The following ZNF185 variants were observed in gnomAD, a reference collection of about 807,000 sequenced individuals.
ZNF185 encodes zinc finger protein 185.
In ZNF185, 56 loss-of-function variants were observed where a neutral mutation model predicts 58.6. The observed-to-expected ratio is 0.95, with a 90% CI of 0.77 to 1.19. ZNF185 has a LOEUF of 1.19. Ranked by LOEUF, ZNF185 falls within the 50% of genes most tolerant of loss-of-function variation. The pLI is 0.00. For synonymous variants in ZNF185, 230 were observed against 215.9 expected (o/e 1.07, Z -0.57); for missense variants, 627 against 573.5 (o/e 1.09, Z -0.95).
At chrX:152,898,326 G>A in the ZNF185 span, among the ~76,000 whole-genome samples, 607 of 112,579 alleles carry the variant, frequency 5.4e-3, 3 homozygotes, top group African/African-American at 0.018. Flanking sequence ...ACAAGTCAGG[G>A]CCTCAGTTTC....
At chrX:152,973,293 G>C (rs1556921324) in exon 23 of ZNF185, 1 of 112,125 alleles carries the variant, frequency 8.9e-6, no homozygotes, top group Non-Finnish European at 1.9e-5. Flanking sequence ...AAGAAATCTT[G>C]CAAGAGCCAT....
At chrX:152,918,106 G>C (rs782452645) in exon 6 of ZNF185, 3 of 1,195,768 alleles carry the variant, frequency 2.5e-6, no homozygotes, top group African/African-American at 3.5e-5. Flanking sequence ...GGTCCTCCCC[G>C]CCCCTCCTCC....
intron 19 of ZNF185, among the ~76,000 whole-genome samples, chrX:152,966,223 T>C (rs1362797416): frequency 4.5e-5 from 5 of 110,529 alleles, no homozygotes; most frequent in Non-Finnish European, 1.9e-5. Flanking sequence ...GCCAGGCTGG[T>C]CTCGAATTCC....
chrX:152,953,964 C>T (rs1229053207), intron 16 of ZNF185, among the ~76,000 whole-genome samples: 1 of 111,244 alleles, frequency 9.0e-6, no homozygotes, highest in Non-Finnish European at 1.9e-5. Flanking sequence ...TGGTCTTGAA[C>T]TCCTGACCCC....
chrX:152,953,037 G>A (rs1556901428), intron 16 of ZNF185, among the ~76,000 whole-genome samples: 1 of 110,270 alleles, frequency 9.1e-6, no homozygotes, highest in Non-Finnish European at 1.9e-5. Flanking sequence ...GCACACAGTC[G>A]TCATCTGGGA....
intron 16 of ZNF185, among the ~76,000 whole-genome samples, chrX:152,947,674 A>C (rs1414203749): frequency 8.9e-6 from 1 of 112,571 alleles, no homozygotes; most frequent in Non-Finnish European, 1.9e-5. Flanking sequence ...GGGAGTTGTC[A>C]GCTCATAGGA....
chrX:152,922,151 C>CTCAAAGGG (rs1939860676), intron 9 of ZNF185, 22 bp from the exon 11 acceptor site: 2 of 1,183,923 alleles, frequency 1.7e-6, no homozygotes, highest in East Asian at 6.2e-5. Context: ...ACCACGAGCG[C>CTCAAAGGG]TGTTTCTCTT....
Position 152,953,426 on chromosome X carries a change from A to G in ZNF185, c.1410-6273A>G, listed in dbSNP as rs371287339. Among the ~76,000 whole-genome samples, 19 of 112,245 alleles carry G rather than the reference A, an allele frequency of 1.7e-4. 4 individuals are homozygous for G. The highest frequency in any genetic ancestry group is 1.9e-4 in the Admixed American group (2 of 10,604). ...AAATACCGTCTCTGGGCAGGGTGCA[A>G]TGGCTCACACCTGTAATCCCAGCAC... On this transcript the variant is annotated intron_variant, in intron 16 of 22. Transcript: ENST00000449285.
intron 18 of ZNF185, among the ~76,000 whole-genome samples, chrX:152,964,681 A>G (rs2097254): frequency 0.32 from 35,693 of 110,275 alleles, 4,246 homozygotes; most frequent in African/African-American, 0.41. Flanking sequence ...TCACATGCCC[A>G]CTGCTTCACC....
intron 16 of ZNF185, among the ~76,000 whole-genome samples, chrX:152,955,418 C>T (rs2048722719): frequency 8.9e-6 from 1 of 112,358 alleles, no homozygotes; most frequent in African/African-American, 3.2e-5. Context: ...GAAGGTACCT[C>T]TTTATGCTAG....
rs373247328 is a variant in ZNF185 at position 152,959,901 on chromosome X, G to A, written c.1607+5G>A. ...ACGAGAGAGCTGCACCAGCAGGTAC[G>A]AGCCAAACTGCACTGGGACCTTACC... On this transcript the variant is annotated splice_donor_5th_base_variant and intron_variant, in intron 17 of 22. Transcript: ENST00000449285. The A allele has an allele frequency of 1.3e-5, 16 of 1,204,316 alleles. No individual in the cohort carries two copies. Among genetic ancestry groups the A allele is most frequent in the Non-Finnish European group, 1.8e-5 (16 of 891,864 alleles).
intron 16 of ZNF185, among the ~76,000 whole-genome samples, chrX:152,947,751 G>A (rs1240601954): frequency 8.9e-6 from 1 of 112,380 alleles, no homozygotes; most frequent in Non-Finnish European, 1.9e-5. Flanking sequence ...TACAAAGCAT[G>A]TATTCTCGGC....
intron 11 of ZNF185, among the ~76,000 whole-genome samples, chrX:152,925,510 C>A (rs782383982): frequency 3.6e-5 from 4 of 112,207 alleles, no homozygotes; most frequent in Non-Finnish European, 5.6e-5. Flanking sequence ...CCGGGGCAAG[C>A]TCCCAACAGG....
intron 17 of ZNF185, among the ~76,000 whole-genome samples, chrX:152,963,120 A>G (rs1012181514): frequency 3.0e-4 from 34 of 113,071 alleles, no homozygotes; most frequent in African/African-American, 9.6e-4. Context: ...GTGCTGCCCA[A>G]CATCGTGCCC....
chrX:152,955,469 T>C (rs1418258530), intron 16 of ZNF185, among the ~76,000 whole-genome samples: 2 of 112,664 alleles, frequency 1.8e-5, no homozygotes, highest in Non-Finnish European at 3.8e-5. Flanking sequence ...CTGGTCTGTT[T>C]TAATAACTAT....
intron 16 of ZNF185, among the ~76,000 whole-genome samples, chrX:152,955,367 G>A (rs1338836417): frequency 8.9e-6 from 1 of 112,399 alleles, no homozygotes; most frequent in Non-Finnish European, 1.9e-5. Flanking sequence ...TGGGAAACAG[G>A]AGGACAGTGG....
chrX:152,938,032 C>T (rs781931084), intron 14 of ZNF185, 42 bp from the exon 17 acceptor site: 1 of 1,151,067 alleles, frequency 8.7e-7, no homozygotes, highest in South Asian at 1.9e-5. Context: ...CCCCAGCCTT[C>T]TTTGGTCTGA....
Position 152,940,519 on chromosome X carries a change from G to A in ZNF185, c.1211+2356G>A, listed in dbSNP as rs61599048. On this transcript the variant is annotated intron_variant, in intron 15 of 22. Coordinates refer to ENST00000449285, the Ensembl canonical transcript of ZNF185. ...AAGAGTTGTTATTCTCTAAAGACCT[G>A]GAATCAATAGAAAGGAGTGCCTGGG... Among the ~76,000 whole-genome samples the A allele has an allele frequency of 2.3e-3, 261 of 111,102 alleles. 5 individuals are homozygous for A. The East Asian group carries it at 0.061, about 26-fold the overall frequency.
chrX:152,922,027 C>A (rs1939820681), intron 9 of ZNF185, 146 bp from the exon 11 acceptor site: 1 of 530,894 alleles, frequency 1.9e-6, no homozygotes, highest in Non-Finnish European at 3.1e-6. Context: ...GAGCTGGAGT[C>A]ACTGAACCCC....
Sources: allele counts gnomAD v4.1 joint callset (sites outside exome capture counted in the v4.1 genomes callset), GRCh38; gene constraint gnomAD v4.1.1; transcripts MANE v1.5; gene names NCBI Gene and HGNC (gene_info 2026-07-23, HGNC 2026-07-21).